Variants in TASP1 observed in about 807,000 individuals in gnomAD.
TASP1 encodes threonine aspartase 1.
TASP1 carries 16 observed loss-of-function variants against 56.6 expected under a neutral mutation model. The ratio of observed to expected loss-of-function variants is 0.28; its 90% CI spans 0.19 to 0.43. TASP1 has a LOEUF of 0.43. Ranked by LOEUF, TASP1 falls within the 20% of genes least tolerant of loss-of-function variation. The pLI is 1.00. For synonymous variants in TASP1, 179 were observed against 184.2 expected (o/e 0.97, Z 0.23); for missense variants, 393 against 511.6 (o/e 0.77, Z 2.24).
the TASP1 span, among the ~76,000 whole-genome samples, chr20:13,241,979 CT>C: frequency 6.6e-6 from 1 of 151,990 alleles, no homozygotes; most frequent in Non-Finnish European, 1.5e-5. Flanking sequence ...TAAAAGAACA[CT>C]TGTTGAAGAA....
chr20:13,276,740 G>C, the TASP1 span, among the ~76,000 whole-genome samples: 76 of 152,252 alleles, frequency 5.0e-4, 1 homozygote, highest in Admixed American at 1.0e-3. Context: ...TTTATCAACG[G>C]ATTCTTTGAT....
chr20:13,610,784 C>T (rs540783161), intron 4 of TASP1, among the ~76,000 whole-genome samples: 6 of 152,170 alleles, frequency 3.9e-5, no homozygotes, highest in Non-Finnish European at 7.4e-5. Flanking sequence ...AGGGAATCAT[C>T]ATTTTTTAAA....
the TASP1 span, among the ~76,000 whole-genome samples, chr20:13,303,614 T>G: frequency 6.6e-6 from 1 of 152,146 alleles, no homozygotes; most frequent in African/African-American, 2.4e-5. Context: ...GGCTTAAGAG[T>G]TTGAGGGTTC....
chr20:13,117,302 G>A, the TASP1 span, among the ~76,000 whole-genome samples: 31 of 152,318 alleles, frequency 2.0e-4, 1 homozygote, highest in Admixed American at 2.6e-4. Flanking sequence ...TCCATTGAAT[G>A]TAAATTATTT....
chr20:13,327,500 A>G, the TASP1 span, among the ~76,000 whole-genome samples: 2 of 152,308 alleles, frequency 1.3e-5, no homozygotes, highest in South Asian at 4.1e-4. Flanking sequence ...AATAGCCAAG[A>G]CAATCCTAAG....
chr20:13,412,236 C>A (rs1260131485), intron 13 of TASP1, among the ~76,000 whole-genome samples: 2 of 152,154 alleles, frequency 1.3e-5, no homozygotes, highest in East Asian at 3.9e-4. Context: ...AGCTCACACA[C>A]GGCCATAAAG....
At chr20:13,343,417 G>T in the TASP1 span, among the ~76,000 whole-genome samples, 1 of 152,220 alleles carries the variant, frequency 6.6e-6, no homozygotes, top group East Asian at 1.9e-4. Context: ...TCTCACCCAT[G>T]TGAAAGTTTT....
the TASP1 span, among the ~76,000 whole-genome samples, chr20:13,363,746 C>T: frequency 6.6e-6 from 1 of 152,168 alleles, no homozygotes; most frequent in Non-Finnish European, 1.5e-5. Context: ...TACAGGACAC[C>T]TAGTTAATGT....
At chr20:13,456,282 T>C (rs2043830122) in intron 11 of TASP1, among the ~76,000 whole-genome samples, 1 of 152,102 alleles carries the variant, frequency 6.6e-6, no homozygotes, top group Non-Finnish European at 1.5e-5. Flanking sequence ...TCTGAGACCA[T>C]CAGCCAAAGC....
At chr20:13,456,306 T>C (rs1229106558) in intron 11 of TASP1, among the ~76,000 whole-genome samples, 1 of 152,030 alleles carries the variant, frequency 6.6e-6, no homozygotes, top group African/African-American at 2.4e-5. Context: ...AGCAGAAAAA[T>C]GCCTAGGAAG....
chr20:13,113,481 A>G, the TASP1 span, among the ~76,000 whole-genome samples: 1 of 152,190 alleles, frequency 6.6e-6, no homozygotes, highest in African/African-American at 2.4e-5. Context: ...TCAGGGAGAT[A>G]TCAAGATAGA....
At chr20:13,492,044 AG>A (rs959834422) in intron 10 of TASP1, among the ~76,000 whole-genome samples, 8 of 152,292 alleles carry the variant, frequency 5.3e-5, no homozygotes, top group African/African-American at 1.9e-4. Context: ...AGAGCCCCAG[AG>A]GGGAAAAAGT....
chr20:13,521,876 A>C (rs1446193983), intron 10 of TASP1, among the ~76,000 whole-genome samples: 1 of 152,160 alleles, frequency 6.6e-6, no homozygotes, highest in African/African-American at 2.4e-5. Context: ...CTACGGGAAA[A>C]AATAAAACAT....
the TASP1 span, among the ~76,000 whole-genome samples, chr20:13,158,779 TCTGATAAC>T: frequency 6.6e-6 from 1 of 152,190 alleles, no homozygotes; most frequent in Non-Finnish European, 1.5e-5. Flanking sequence ...CATTGCTTCA[TCTGATAAC>T]CTATGTTCTA....
At chr20:13,469,766 G>A (rs2044403360) in intron 11 of TASP1, among the ~76,000 whole-genome samples, 1 of 128,646 alleles carries the variant, frequency 7.8e-6, no homozygotes, top group Non-Finnish European at 1.6e-5. Context: ...ATTTTCAAAT[G>A]ACAGTTGTCC....
chr20:13,531,712 G>T (rs1427760202), intron 9 of TASP1, among the ~76,000 whole-genome samples: 1 of 152,012 alleles, frequency 6.6e-6, no homozygotes, highest in Non-Finnish European at 1.5e-5. Flanking sequence ...CACCCACGCT[G>T]GAGTGCAGTA....
the TASP1 span, among the ~76,000 whole-genome samples, chr20:13,151,262 C>T: frequency 1.3e-5 from 2 of 152,182 alleles, no homozygotes; most frequent in Admixed American, 1.3e-4. Flanking sequence ...AAATTTTTCA[C>T]ATCCACACTC....
chr20:13,203,231 G>T, the TASP1 span, among the ~76,000 whole-genome samples: 1 of 152,172 alleles, frequency 6.6e-6, no homozygotes, highest in Admixed American at 6.5e-5. Flanking sequence ...GTGAATTAAT[G>T]CATGCAACAG....
At chr20:13,316,037 A>C in the TASP1 span, among the ~76,000 whole-genome samples, 3 of 152,128 alleles carry the variant, frequency 2.0e-5, no homozygotes, top group East Asian at 5.8e-4. Flanking sequence ...TAAATTCAAT[A>C]AGCTTCTGCG....
Sources: allele counts gnomAD v4.1 joint callset (sites outside exome capture counted in the v4.1 genomes callset), GRCh38; gene constraint gnomAD v4.1.1; transcripts MANE v1.5; gene names NCBI Gene and HGNC (gene_info 2026-07-23, HGNC 2026-07-21).